PACRG: variants seen among roughly 807,000 people sequenced by gnomAD.
PACRG encodes parkin coregulated.
Under a neutral mutation model 29.7 loss-of-function variants are expected in PACRG, and 29 were observed. The observed-to-expected ratio is 0.98, with a 90% CI of 0.73 to 1.33. The LOEUF (loss-of-function observed/expected upper bound fraction) is 1.33. Ranked by LOEUF, PACRG falls within the 40% of genes most tolerant of loss-of-function variation. PACRG has a pLI of 0.00. For missense variants in PACRG, 279 were observed against 316.2 expected, an observed-to-expected ratio of 0.88 and a Z score of 0.89; for synonymous variants, 116 against 118.7, an observed-to-expected ratio of 0.98 and a Z score of 0.15.
intron 1 of PACRG, among the ~76,000 whole-genome samples, chr6:162,789,308 T>C (rs1474944928): frequency 6.6e-6 from 1 of 152,186 alleles, no homozygotes; most frequent in Non-Finnish European, 1.5e-5. Context: ...TTAATAATAT[T>C]TCTATCAAAC....
chr6:163,300,415 G>A (rs181408714), intron 4 of PACRG, among the ~76,000 whole-genome samples: 7 of 152,032 alleles, frequency 4.6e-5, no homozygotes, highest in Non-Finnish European at 1.0e-4. Context: ...TGCAGAGAAG[G>A]TGGCGGTAGA....
intron 3 of PACRG, among the ~76,000 whole-genome samples, chr6:163,085,663 G>GCTTCCTCTCCTGGAAACT (rs2128296446): frequency 6.6e-6 from 1 of 152,192 alleles, no homozygotes; most frequent in East Asian, 1.9e-4. Context: ...CTAGCGCGCT[G>GCTTCCTCTCCTGGAAACT]CTTCCTCTCC....
chr6:163,303,814 G>T (rs955751401), intron 4 of PACRG, among the ~76,000 whole-genome samples: 1 of 151,828 alleles, frequency 6.6e-6, no homozygotes, highest in African/African-American at 2.4e-5. Context: ...TTGGAGACCA[G>T]CCTGGCCAAC....
intron 4 of PACRG, among the ~76,000 whole-genome samples, chr6:163,305,119 G>A (rs1785148216): frequency 6.6e-6 from 1 of 152,340 alleles, no homozygotes; most frequent in Middle Eastern, 3.4e-3. Flanking sequence ...CTCCTCACAG[G>A]AGCCTTCTGC....
chr6:163,018,446 C>T (rs1227086810), intron 2 of PACRG, among the ~76,000 whole-genome samples: 1 of 152,142 alleles, frequency 6.6e-6, no homozygotes, highest in East Asian at 1.9e-4. Flanking sequence ...CCAGTATTCC[C>T]TCATTTGTTA....
At chr6:163,173,930 C>T (rs1043718364) in intron 4 of PACRG, among the ~76,000 whole-genome samples, 3 of 152,220 alleles carry the variant, frequency 2.0e-5, no homozygotes, top group African/African-American at 7.2e-5. Flanking sequence ...CGTCATTGTT[C>T]CCTGGAGCAC....
rs996743132 is a variant in PACRG at position 162,875,584 on chromosome 6, C to T, written c.291+61303C>T. On this transcript the variant is annotated intron_variant, in intron 2 of 4. Coordinates refer to ENST00000366888, the MANE Select transcript of PACRG (RefSeq NM_001080379.2). ...CAAAAGTGGCTGAAAGAAATATCAT[C>T]TTTATTATTCTGTAAGTTTTTGTTT... Among the ~76,000 whole-genome samples the T allele has an allele frequency of 1.2e-4, 19 of 152,316 alleles. No individual in the cohort carries two copies. The East Asian group carries it at 3.7e-3, about 29-fold the overall frequency.
chr6:162,932,885 TA>T (rs1398451474), intron 2 of PACRG, among the ~76,000 whole-genome samples: 1 of 151,990 alleles, frequency 6.6e-6, no homozygotes, highest in Non-Finnish European at 1.5e-5. Context: ...CTCATCTTTA[TA>T]AACGTTCTAA....
At chr6:163,155,648 T>C (rs1778281228) in intron 4 of PACRG, among the ~76,000 whole-genome samples, 1 of 152,192 alleles carries the variant, frequency 6.6e-6, no homozygotes, top group African/African-American at 2.4e-5. Flanking sequence ...AACTAAGAAG[T>C]TCATTTAAAA....
At chr6:163,169,500 T>G (rs1201166595) in intron 4 of PACRG, among the ~76,000 whole-genome samples, 2 of 152,198 alleles carry the variant, frequency 1.3e-5, no homozygotes, top group East Asian at 3.9e-4. Flanking sequence ...GCCATGGAGC[T>G]GGACGTGTGG....
intron 4 of PACRG, among the ~76,000 whole-genome samples, chr6:163,253,612 G>A (rs1210361635): frequency 6.6e-6 from 1 of 152,168 alleles, no homozygotes; most frequent in African/African-American, 2.4e-5. Context: ...TACTCAGCCA[G>A]GTGGTGGTCA....
chr6:162,973,863 G>A (rs753288710), intron 2 of PACRG, among the ~76,000 whole-genome samples: 6 of 152,016 alleles, frequency 3.9e-5, no homozygotes, highest in Non-Finnish European at 7.4e-5. Context: ...AGACAGAAGG[G>A]GTTAAATGAA....
chr6:163,144,369 C>CACACACACACT (rs1554372289), intron 4 of PACRG, among the ~76,000 whole-genome samples: 36 of 150,362 alleles, frequency 2.4e-4, no homozygotes, highest in African/African-American at 8.1e-4. Context: ...CACACACACA[C>CACACACACACT]AGTTATATTA....
chr6:162,866,766 G>T (rs1792332079), intron 2 of PACRG, among the ~76,000 whole-genome samples: 1 of 152,180 alleles, frequency 6.6e-6, no homozygotes, highest in Non-Finnish European at 1.5e-5. Flanking sequence ...GATGGAGAAA[G>T]AGAATTCTAT....
At chr6:162,757,028 A>G (rs1781981159) in intron 1 of PACRG, among the ~76,000 whole-genome samples, 1 of 152,038 alleles carries the variant, frequency 6.6e-6, no homozygotes, top group African/African-American at 2.4e-5. Context: ...CTATTTCTGC[A>G]ACAATACTAT....
At chr6:163,234,674 A>G (rs9458763) in intron 4 of PACRG, among the ~76,000 whole-genome samples, 62,903 of 151,892 alleles carry the variant, frequency 0.41, 14,005 homozygotes, top group African/African-American at 0.58. Context: ...CAAAAACCAC[A>G]GGAGTTTACT....
At chr6:162,868,573 C>T (rs1201206604) in intron 2 of PACRG, among the ~76,000 whole-genome samples, 10 of 152,158 alleles carry the variant, frequency 6.6e-5, no homozygotes, top group Admixed American at 5.9e-4. Flanking sequence ...GGACCCCTTG[C>T]TCTGGCATTG....
chr6:162,775,518 T>C (rs1783574664), intron 1 of PACRG, among the ~76,000 whole-genome samples: 1 of 152,236 alleles, frequency 6.6e-6, no homozygotes. Context: ...CTTTGATAAC[T>C]ATGTACTTGA....
intron 2 of PACRG, among the ~76,000 whole-genome samples, chr6:162,902,977 T>C (rs1242195260): frequency 2.6e-5 from 4 of 152,250 alleles, no homozygotes; most frequent in Non-Finnish European, 5.9e-5. Flanking sequence ...TATAATAATA[T>C]ACCTTACTGT....
Sources: gnomAD v4.1 joint callset for allele counts (sites outside exome capture counted in the v4.1 genomes callset) on GRCh38, gnomAD v4.1.1 for gene constraint, MANE v1.5 for transcripts, NCBI Gene and HGNC (gene_info 2026-07-23, HGNC 2026-07-21) for gene names.